CMTM8: variants seen among roughly 807,000 people sequenced by gnomAD.
CMTM8 encodes CKLF like MARVEL transmembrane domain containing 8.
A neutral mutation model predicts 18.6 loss-of-function variants in CMTM8; 12 were observed. The ratio of observed to expected loss-of-function variants is 0.65; its 90% CI spans 0.41 to 1.05. The LOEUF is 1.05. Ranked by LOEUF, CMTM8 falls within the 50% of genes least tolerant of loss-of-function variation. The pLI, the probability that CMTM8 is intolerant of heterozygous loss-of-function variation, is 0.00. For synonymous variants in CMTM8, 87 were observed against 90.6 expected, an observed-to-expected ratio of 0.96 and a Z score of 0.23; for missense variants, 217 against 227.2, an observed-to-expected ratio of 0.95 and a Z score of 0.29.
chr3:32,369,735 A>G (rs988367477), intron 3 of CMTM8, 149 bp from the exon 4 acceptor site: 14 of 469,438 alleles, frequency 3.0e-5, no homozygotes, highest in Non-Finnish European at 7.9e-6. Context: ...TGAGAAGGAT[A>G]GTAATTGAAC....
chr3:32,265,322 T>C (rs1420802223), intron 1 of CMTM8, among the ~76,000 whole-genome samples: 1 of 152,110 alleles, frequency 6.6e-6, no homozygotes, highest in Non-Finnish European at 1.5e-5. Context: ...CTCAACTACA[T>C]GGAAACTGAA....
At chr3:32,304,992 C>A (rs1337552401) in intron 1 of CMTM8, among the ~76,000 whole-genome samples, 2 of 152,164 alleles carry the variant, frequency 1.3e-5, no homozygotes, top group Non-Finnish European at 2.9e-5. Context: ...TAGTTTTGGG[C>A]TAGTGGCTGA....
intron 1 of CMTM8, among the ~76,000 whole-genome samples, chr3:32,273,128 A>AGTGTGTGT (rs1559366913): frequency 3.1e-5 from 2 of 64,866 alleles, no homozygotes; most frequent in Middle Eastern, 6.4e-3. Flanking sequence ...AATTGGAACA[A>AGTGTGTGT]ATGTGTGTGT....
In CMTM8 at chr3:32,367,857, C is replaced by T; in HGVS notation, c.322-15C>T. 1 of 1,585,210 alleles carries T rather than the reference C, an allele frequency of 6.3e-7. No homozygotes were observed. Among genetic ancestry groups the T allele is most frequent in the Non-Finnish European group, 8.7e-7 (1 of 1,154,428 alleles). On this transcript the variant is annotated splice_polypyrimidine_tract_variant and intron_variant, in intron 2 of 3. Coordinates refer to ENST00000307526, the MANE Select transcript of CMTM8 (RefSeq NM_178868.5). ...CTCCCCTCTCCCTAAACACTCTGCC[C>T]CTGTGTCCCCCCAGGGCCTGTGCTT...
At chr3:32,334,857 G>A (rs988105373) in intron 1 of CMTM8, among the ~76,000 whole-genome samples, 5 of 152,040 alleles carry the variant, frequency 3.3e-5, no homozygotes, top group Admixed American at 6.6e-5. Context: ...GACATCCCCC[G>A]CTCATGCCTG....
At position 32,319,057 on chromosome 3, in the gene CMTM8, C is replaced by CATAT. The variant is rs1553605520; in HGVS notation, c.148-38301_148-38298dup. Among the ~76,000 whole-genome samples the CATAT allele has an allele frequency of 3.7e-3, 170 of 45,848 alleles. 15 individuals carry two copies. In the East Asian group the frequency reaches 0.048, roughly 13 times the overall value. The allele number at this position is 45,848 out of a possible 152,430, so 30.1% of individuals were successfully genotyped here. On this transcript the variant is annotated intron_variant, in intron 1 of 3. Transcript: ENST00000307526. ...AAATTTATATATATGTGTGTATATA[C>CATAT]ATATATATATATATATATTTTTTTT...
At chr3:32,266,185 T>TA (rs1702341838) in intron 1 of CMTM8, among the ~76,000 whole-genome samples, 1 of 150,824 alleles carries the variant, frequency 6.6e-6, no homozygotes, top group Admixed American at 6.7e-5. Context: ...CCCTGATGAA[T>TA]ATCAATGCAA....
intron 1 of CMTM8, among the ~76,000 whole-genome samples, chr3:32,306,657 T>G (rs1695722768): frequency 6.6e-6 from 1 of 152,234 alleles, no homozygotes; most frequent in African/African-American, 2.4e-5. Context: ...GGCAAATGGT[T>G]ACATCTACCT....
intron 1 of CMTM8, among the ~76,000 whole-genome samples, chr3:32,352,944 AG>A (rs1183337889): frequency 6.6e-6 from 1 of 151,952 alleles, no homozygotes; most frequent in Non-Finnish European, 1.5e-5. Context: ...AAGGTGCAAA[AG>A]CATGCATATA....
intron 1 of CMTM8, among the ~76,000 whole-genome samples, chr3:32,332,819 C>CT (rs1696306308): frequency 6.6e-6 from 1 of 152,186 alleles, no homozygotes; most frequent in African/African-American, 2.4e-5. Context: ...GTTCATGGCA[C>CT]TGTACCCTCA....
intron 1 of CMTM8, among the ~76,000 whole-genome samples, chr3:32,294,684 C>T (rs1308424942): frequency 6.6e-6 from 1 of 152,224 alleles, no homozygotes; most frequent in Non-Finnish European, 1.5e-5. Context: ...GAGGGCAGAT[C>T]CGTCTTCTTG....
chr3:32,320,749 C>A (rs985821438), intron 1 of CMTM8, among the ~76,000 whole-genome samples: 1 of 152,034 alleles, frequency 6.6e-6, no homozygotes, highest in Non-Finnish European at 1.5e-5. Context: ...AGTGCAGCAC[C>A]GGGGTGGGGG....
chr3:32,295,804 T>C (rs562020795), intron 1 of CMTM8, among the ~76,000 whole-genome samples: 1 of 152,262 alleles, frequency 6.6e-6, no homozygotes, highest in Non-Finnish European at 1.5e-5. Context: ...CAAGGCCCTG[T>C]GTGATCCGGG....
intron 1 of CMTM8, among the ~76,000 whole-genome samples, chr3:32,265,186 T>C (rs542711062): frequency 5.9e-4 from 90 of 152,256 alleles, no homozygotes; most frequent in African/African-American, 2.1e-3. Flanking sequence ...ACTCCAAAAT[T>C]GACCACATAG....
Position 32,245,763 on chromosome 3 carries a change from A to G in CMTM8, c.147+6644A>G, listed in dbSNP as rs550350494. 4.6e-5 allele frequency among the ~76,000 whole-genome samples: 7 copies of G among 152,282 alleles called. No individual in the cohort carries two copies. The South Asian group carries it at 1.5e-3, about 32-fold the overall frequency. ...TAGTGAACATAGTTTCCATTTCATA[A>G]AAGCAATACCCGACATTTGTAGAAA... On this transcript the variant is annotated intron_variant, in intron 1 of 3. Transcript: ENST00000307526.
intron 1 of CMTM8, among the ~76,000 whole-genome samples, chr3:32,343,551 T>C (rs1251065997): frequency 6.6e-6 from 1 of 152,210 alleles, no homozygotes; most frequent in Non-Finnish European, 1.5e-5. Flanking sequence ...CCAGACTTGG[T>C]TGTGTCCTTG....
At chr3:32,350,259 G>A (rs1263919758) in intron 1 of CMTM8, among the ~76,000 whole-genome samples, 2 of 151,684 alleles carry the variant, frequency 1.3e-5, no homozygotes, top group Non-Finnish European at 3.0e-5. Flanking sequence ...AGACTTTGCA[G>A]TGAAGTTGGT....
At chr3:32,290,260 C>T (rs1434415963) in intron 1 of CMTM8, among the ~76,000 whole-genome samples, 1 of 152,162 alleles carries the variant, frequency 6.6e-6, no homozygotes, top group Non-Finnish European at 1.5e-5. Flanking sequence ...CTTCTGTACA[C>T]AAACAATAAA....
chr3:32,239,023 C>G lies in CMTM8; in HGVS notation c.51C>G (p.Ser17Arg). The G allele has an allele frequency of 1.3e-6, 2 of 1,572,100 alleles. No homozygotes were observed. Residue 17 changes from serine (S) to arginine (R), a missense_variant, in exon 1 of 4, where the codon AGC becomes AGG. By Grantham distance (110) the Ser-to-Arg change is moderately radical. Transcript: ENST00000307526. Reference protein sequence around the residue: ...ARSHTVTTTASSFAENFSTSS... With the variant: ...ARSHTVTTTARSFAENFSTSS... ...CGCACACAGTCACCACCACCGCCAGCTCCTTCGCAGAGAACTTCTCCACCA... is the reference window on the plus strand; with the variant it reads ...CGCACACAGTCACCACCACCGCCAGGTCCTTCGCAGAGAACTTCTCCACCA...
Sources: gnomAD v4.1 joint callset for allele counts (sites outside exome capture counted in the v4.1 genomes callset) on GRCh38, gnomAD v4.1.1 for gene constraint, MANE v1.5 for transcripts, NCBI Gene and HGNC (gene_info 2026-07-23, HGNC 2026-07-21) for gene names.